WWOX: variants seen among roughly 807,000 people sequenced by gnomAD.
The protein encoded by WWOX is WW domain-containing oxidoreductase.
Under a neutral mutation model 46.2 loss-of-function variants are expected in WWOX, and 69 were observed. The observed-to-expected ratio is 1.49, with a 90% CI of 1.23 to 1.82. WWOX has a LOEUF of 1.82. WWOX is among the 40% of genes most tolerant of loss of function. The pLI, the probability that WWOX is intolerant of heterozygous loss-of-function variation, is 0.00. For missense variants in WWOX, 919 were observed against 542.6 expected, an observed-to-expected ratio of 1.69 and a Z score of -6.89; for synonymous variants, 359 against 202.6, an observed-to-expected ratio of 1.77 and a Z score of -6.56.
At chr16:78,225,397 C>CT (rs901296131) in intron 5 of WWOX, among the ~76,000 whole-genome samples, 16 of 152,080 alleles carry the variant, frequency 1.1e-4, no homozygotes, top group African/African-American at 3.9e-4. Flanking sequence ...ATGACCTCTG[C>CT]TTTTTTTGTC....
intron 8 of WWOX, among the ~76,000 whole-genome samples, chr16:79,140,043 T>G (rs973772614): frequency 2.0e-5 from 3 of 152,216 alleles, no homozygotes; most frequent in Non-Finnish European, 4.4e-5. Flanking sequence ...TGGGGCCTGA[T>G]AAAGCATTTT....
chr16:78,497,160 G>T (rs1567606849), intron 8 of WWOX, among the ~76,000 whole-genome samples: 1 of 152,212 alleles, frequency 6.6e-6, no homozygotes, highest in Non-Finnish European at 1.5e-5. Context: ...GCTTGAGAGT[G>T]GTGGTGTTTG....
At chr16:78,212,919 T>A (rs1279342685) in intron 5 of WWOX, among the ~76,000 whole-genome samples, 2 of 152,100 alleles carry the variant, frequency 1.3e-5, no homozygotes, top group Non-Finnish European at 2.9e-5. Context: ...TTCCCATTCG[T>A]GATATCTGAC....
At chr16:78,852,280 G>A (rs576325720) in intron 8 of WWOX, among the ~76,000 whole-genome samples, 14 of 152,252 alleles carry the variant, frequency 9.2e-5, no homozygotes, top group African/African-American at 3.4e-4. Flanking sequence ...GAACAGGATT[G>A]TCCTGTGTAA....
At chr16:78,355,557 C>CT in intron 5 of WWOX, 1 of 447,692 alleles carries the variant, frequency 2.2e-6, no homozygotes, top group South Asian at 2.0e-5. Context: ...CAGCAGCAAA[C>CT]TACCAACACT....
intron 5 of WWOX, among the ~76,000 whole-genome samples, chr16:78,317,056 A>G (rs1410023252): frequency 6.6e-6 from 1 of 152,220 alleles, no homozygotes; most frequent in African/African-American, 2.4e-5. Flanking sequence ...CACAGTAAGT[A>G]GGCCAGTGGT....
Position 78,356,432 on chromosome 16 carries a change from A to C in WWOX, c.517-30428A>C, listed in dbSNP as rs367567319. Among the ~76,000 whole-genome samples, 11 of 152,234 alleles carry C rather than the reference A, an allele frequency of 7.2e-5. No homozygotes were observed. In the East Asian group the frequency reaches 2.1e-3, roughly 29 times the overall value. On this transcript the variant is annotated intron_variant, in intron 5 of 8. Transcript: ENST00000566780. ...CCTGTGGATTTGTGGACCCGTGGGA[A>C]AATCTCAGTCCCCAGGCAGGAAGGA...
chr16:78,517,978 A>G (rs1057110226), intron 8 of WWOX, among the ~76,000 whole-genome samples: 5 of 149,096 alleles, frequency 3.4e-5, no homozygotes, highest in Admixed American at 2.7e-4. Context: ...ACAGAGATGG[A>G]CTGAAAAGAG....
intron 8 of WWOX, among the ~76,000 whole-genome samples, chr16:79,000,580 C>T (rs2047073653): frequency 6.6e-6 from 1 of 152,250 alleles, no homozygotes; most frequent in South Asian, 2.1e-4. Context: ...GGAATTCAGG[C>T]AGCGTCTAGA....
At chr16:79,013,168 G>A (rs1457822685) in intron 8 of WWOX, among the ~76,000 whole-genome samples, 1 of 152,214 alleles carries the variant, frequency 6.6e-6, no homozygotes, top group East Asian at 1.9e-4. Flanking sequence ...GCTGCCACTT[G>A]CCGCCCACCG....
In WWOX at chr16:78,424,960, T is replaced by C; in HGVS notation, c.696T>C (p.Asn232=). Residue 232 remains asparagine, a synonymous_variant, in exon 7 of 9, where the codon AAT becomes AAC. Coordinates refer to ENST00000566780, the MANE Select transcript of WWOX (RefSeq NM_016373.4). ...KDGLETTFQV[N]HLGHFYLVQL... ...GCCTGGAGACCACCTTTCAAGTGAA[T>C]CATCTGGGGCACTTCTACCTTGTCC... is the stretch of plus-strand genomic sequence containing the variant. 1 of 1,614,170 alleles carries C rather than the reference T, an allele frequency of 6.2e-7. No individual in the cohort carries two copies.
chr16:79,174,618 A>T (rs2050764849), intron 8 of WWOX, among the ~76,000 whole-genome samples: 1 of 152,222 alleles, frequency 6.6e-6, no homozygotes, highest in Non-Finnish European at 1.5e-5. Context: ...ATTGCACTCC[A>T]GCCTGGGCAA....
intron 4 of WWOX, among the ~76,000 whole-genome samples, chr16:78,122,853 C>T (rs921027574): frequency 1.3e-5 from 2 of 152,126 alleles, no homozygotes; most frequent in Non-Finnish European, 2.9e-5. Flanking sequence ...GATCCGCCCA[C>T]CTTGGCCTCC....
chr16:79,042,001 A>T (rs1418645738), intron 8 of WWOX, among the ~76,000 whole-genome samples: 1 of 152,172 alleles, frequency 6.6e-6, no homozygotes, highest in Non-Finnish European at 1.5e-5. Flanking sequence ...TGCGAAATGT[A>T]AAATGTATAT....
chr16:78,597,015 G>T (rs1025290280), intron 8 of WWOX, among the ~76,000 whole-genome samples: 1 of 152,202 alleles, frequency 6.6e-6, no homozygotes, highest in African/African-American at 2.4e-5. Flanking sequence ...TCCAGCATGC[G>T]ATCCCCTCCC....
At chr16:79,043,427 G>A (rs927520547) in intron 8 of WWOX, among the ~76,000 whole-genome samples, 1 of 152,128 alleles carries the variant, frequency 6.6e-6, no homozygotes, top group Non-Finnish European at 1.5e-5. Context: ...GAGGATGAGA[G>A]ACAGAACTGA....
intron 8 of WWOX, among the ~76,000 whole-genome samples, chr16:78,477,392 A>G (rs1159937129): frequency 1.3e-5 from 2 of 151,734 alleles, no homozygotes; most frequent in Non-Finnish European, 2.9e-5. Context: ...AATTAAATCT[A>G]TTTCTTTTTT....
Position 78,513,800 on chromosome 16 carries a change from A to C in WWOX, c.1056+81048A>C, listed in dbSNP as rs548114302. Among the ~76,000 whole-genome samples the C allele has an allele frequency of 1.7e-4, 26 of 152,222 alleles. No homozygotes were observed. The South Asian group carries it at 5.2e-3, about 30-fold the overall frequency. ...TTCCAAACTTACGTCACCACTTACC[A>C]TCCACCTGCATACTTTACACGTCTT... On this transcript the variant is annotated intron_variant, in intron 8 of 8. Coordinates refer to ENST00000566780, the MANE Select transcript of WWOX (RefSeq NM_016373.4).
Position 78,342,390 on chromosome 16 carries a change from C to T in WWOX, c.517-44470C>T, listed in dbSNP as rs998198904. Among the ~76,000 whole-genome samples the T allele has an allele frequency of 4.1e-5, 5 of 121,208 alleles. 2 individuals carry two copies. The highest frequency in any genetic ancestry group is 1.6e-4 in the Admixed American group (2 of 12,476). The allele number at this position is 121,208 out of a possible 152,430, so 79.5% of individuals were successfully genotyped here. On this transcript the variant is annotated intron_variant, in intron 5 of 8. Transcript: ENST00000566780. ...TGAAGGGGACTCCACTGTCTTGGAG[C>T]TACACTCTAAAACAAATAGCCTCCA...
Sources: gnomAD v4.1 joint callset for allele counts (sites outside exome capture counted in the v4.1 genomes callset) on GRCh38, gnomAD v4.1.1 for gene constraint, MANE v1.5 for transcripts, NCBI Gene and HGNC (gene_info 2026-07-23, HGNC 2026-07-21) for gene names.